Variants in ARHGEF3 observed in about 807,000 individuals in gnomAD.
ARHGEF3 encodes the protein 59.8 kDA protein.
Under a neutral mutation model 63.2 loss-of-function variants are expected in ARHGEF3, and 28 were observed. The observed-to-expected ratio is 0.44, with a 90% confidence interval of 0.33 to 0.61. The LOEUF (loss-of-function observed/expected upper bound fraction) is 0.61. ARHGEF3 is among the 20% of genes least tolerant of loss of function. ARHGEF3 has a pLI of 0.03. For synonymous variants in ARHGEF3, 266 were observed against 254.2 expected, an observed-to-expected ratio of 1.05 and a Z score of -0.44; for missense variants, 533 against 659.3, an observed-to-expected ratio of 0.81 and a Z score of 2.10.
intron 3 of ARHGEF3, among the ~76,000 whole-genome samples, chr3:56,916,753 A>G (rs2042001592): frequency 6.6e-6 from 1 of 152,210 alleles, no homozygotes; most frequent in African/African-American, 2.4e-5. Flanking sequence ...AATAGAAAAT[A>G]AAGCATCACT....
In ARHGEF3 at chr3:56,968,253, TA is replaced by T. The variant is rs1700730355; in HGVS notation, c.63-9365del. On this transcript the variant is annotated intron_variant, in intron 2 of 12. Transcript: ENST00000338458. ...ATATATAAATATATATATTAATATA[TA>T]ATATTTAAATATATAATATATAAAA... Among the ~76,000 whole-genome samples, 90 of 44,882 alleles carry T rather than the reference TA, an allele frequency of 2.0e-3. 1 individual carries two copies. Among genetic ancestry groups the T allele is most frequent in the South Asian group, 4.4e-3 (7 of 1,606 alleles). 29.4% of individuals were successfully genotyped at this position (44,882 alleles called of 152,430 possible).
chr3:56,736,953 G>A (rs925090839), intron 8 of ARHGEF3, among the ~76,000 whole-genome samples: 1 of 152,114 alleles, frequency 6.6e-6, no homozygotes, highest in African/African-American at 2.4e-5. Context: ...AAATTAGCTG[G>A]GCATGGTGGT....
chr3:57,064,501 T>G (rs1433004921), intron 1 of ARHGEF3, among the ~76,000 whole-genome samples: 2 of 152,064 alleles, frequency 1.3e-5, no homozygotes, highest in Admixed American at 6.6e-5. Context: ...TGCTGTATTT[T>G]TTGTAGACAG....
intron 3 of ARHGEF3, among the ~76,000 whole-genome samples, chr3:56,896,353 G>T (rs534547010): frequency 6.6e-6 from 1 of 152,048 alleles, no homozygotes; most frequent in East Asian, 1.9e-4. Context: ...CAGACATTAT[G>T]TCCCTTTAGA....
In ARHGEF3 at chr3:56,751,114, C is replaced by T. The variant is rs775943255; in HGVS notation, c.554G>A (p.Arg185Gln). The change falls in exon 6 of 10, where the codon CGA (arginine) becomes CAA (glutamine). Residue 185 changes from arginine to glutamine, a missense_variant. Arg to Gln is a conservative substitution (Grantham distance 43). Transcript: ENST00000296315. ...CGAGCCATCAGGCTTCCTAACATCT[C>T]GAAGCTGACTAAGGAGCTCTGGCAA... ...PLHEELLSQL[R>Q]DVRKPDGSTE... 1.3e-5 allele frequency: 21 copies of T among 1,613,902 alleles called. No homozygotes were observed. The highest frequency in any genetic ancestry group is 6.7e-5 in the African/African-American group (5 of 74,900).
At chr3:56,771,124 A>T (rs1467831916) in intron 2 of ARHGEF3, among the ~76,000 whole-genome samples, 1 of 152,114 alleles carries the variant, frequency 6.6e-6, no homozygotes, top group Non-Finnish European at 1.5e-5. Context: ...AAAAAAAAAA[A>T]AAAATTATTT....
rs139921559 is a variant in ARHGEF3, at chr3:56,793,484, G to T, written c.96+8219C>A. On this transcript the variant is annotated intron_variant, in intron 1 of 9. Coordinates refer to ENST00000296315, the MANE Select transcript of ARHGEF3 (RefSeq NM_019555.3). Reference sequence around the variant, plus strand: ...GTGCCCAGCAATTTTTGTATTTTTAGTAGAGACTGGGTTTTACCATGTTGG... The same window carrying T: ...GTGCCCAGCAATTTTTGTATTTTTATTAGAGACTGGGTTTTACCATGTTGG... Among the ~76,000 whole-genome samples, 1,490 of 151,120 alleles carry T rather than the reference G, an allele frequency of 9.9e-3. 28 individuals carry two copies. The highest frequency in any genetic ancestry group is 0.034 in the African/African-American group (1,407 of 41,168).
chr3:56,919,977 G>A (rs974916902), intron 3 of ARHGEF3, among the ~76,000 whole-genome samples: 5 of 152,162 alleles, frequency 3.3e-5, no homozygotes, highest in African/African-American at 4.8e-5. Context: ...TCAAGAATCT[G>A]ACATATTAGA....
chr3:56,830,744 G>A (rs2038905219), intron 4 of ARHGEF3, among the ~76,000 whole-genome samples: 2 of 152,082 alleles, frequency 1.3e-5, no homozygotes, highest in South Asian at 2.1e-4. Flanking sequence ...TTTCCCTCCT[G>A]ACCATGGCAC....
At chr3:57,026,903 G>T (rs1703499459) in intron 2 of ARHGEF3, among the ~76,000 whole-genome samples, 2 of 152,140 alleles carry the variant, frequency 1.3e-5, no homozygotes, top group Admixed American at 1.3e-4. Flanking sequence ...TGAAGGCAAG[G>T]TCCATGTCTG....
At chr3:56,990,997 TC>T (rs1306626718) in intron 2 of ARHGEF3, among the ~76,000 whole-genome samples, 1 of 152,088 alleles carries the variant, frequency 6.6e-6, no homozygotes, top group East Asian at 1.9e-4. Context: ...TTCCTTCCCC[TC>T]CCTTTGTCCT....
chr3:56,975,773 C>T (rs145265741), intron 2 of ARHGEF3: 26 of 425,448 alleles, frequency 6.1e-5, no homozygotes, highest in African/African-American at 5.2e-4. Context: ...ATGTACCAGG[C>T]GCAGAGCCAA....
At chr3:57,040,370 T>G (rs1212639849) in intron 1 of ARHGEF3, among the ~76,000 whole-genome samples, 1 of 151,952 alleles carries the variant, frequency 6.6e-6, no homozygotes, top group African/African-American at 2.4e-5. Flanking sequence ...CCAGCTACTC[T>G]GGAGGCTGAG....
At chr3:56,759,480 C>A (rs1578433598) in intron 2 of ARHGEF3, among the ~76,000 whole-genome samples, 1 of 152,068 alleles carries the variant, frequency 6.6e-6, no homozygotes, top group South Asian at 2.1e-4. Context: ...AGAATGTTTT[C>A]TCTTTCTACT....
chr3:56,748,919 C>T (rs1313331311), intron 6 of ARHGEF3, among the ~76,000 whole-genome samples: 2 of 151,168 alleles, frequency 1.3e-5, no homozygotes, highest in Non-Finnish European at 2.9e-5. Flanking sequence ...AGGGTTCCCC[C>T]CCACCCCCCT....
chr3:56,855,884 A>G (rs2039859583), intron 4 of ARHGEF3, among the ~76,000 whole-genome samples: 1 of 152,232 alleles, frequency 6.6e-6, no homozygotes. Flanking sequence ...CCAAATACTT[A>G]CGCTTAACCC....
chr3:56,920,075 T>C (rs1288848048), intron 3 of ARHGEF3, among the ~76,000 whole-genome samples: 3 of 152,214 alleles, frequency 2.0e-5, no homozygotes, highest in Non-Finnish European at 4.4e-5. Context: ...CCCTTCTTCA[T>C]ACTCATCCAA....
chr3:56,802,414 T>G (rs1467674010), upstream of ARHGEF3, among the ~76,000 whole-genome samples: 1 of 152,108 alleles, frequency 6.6e-6, no homozygotes, highest in Non-Finnish European at 1.5e-5. Context: ...ACGTTTTTTT[T>G]GTTTTGTTTT....
rs773621461 is a variant in ARHGEF3, at chr3:56,745,198, A to G, written c.870+7T>C. The G allele has an allele frequency of 1.1e-5, 18 of 1,610,238 alleles. No homozygotes were observed. Among genetic ancestry groups the G allele is most frequent in the Non-Finnish European group, 8.5e-7 (1 of 1,177,486 alleles). ...AAGAAGAGAGAGAAGGAAACAGACA[A>G]ACTTACAGCTTCTTCCAAGTGCTGC... On this transcript the variant is annotated splice_region_variant and intron_variant, in intron 7 of 9. Transcript: ENST00000296315.
Sources: allele counts gnomAD v4.1 joint callset (sites outside exome capture counted in the v4.1 genomes callset), GRCh38; gene constraint gnomAD v4.1.1; transcripts MANE v1.5; gene names NCBI Gene and HGNC (gene_info 2026-07-23, HGNC 2026-07-21).